XKR6: variants seen among roughly 807,000 people sequenced by gnomAD.
XKR6 encodes the protein XK related 6, also known as XK-related protein 6.
XKR6 carries 22 observed loss-of-function variants against 56.7 expected under a neutral mutation model. The observed-to-expected ratio is 0.39, with a 90% CI of 0.28 to 0.55. The LOEUF is 0.55. Among genes scored for constraint, XKR6 ranks in the 20% least tolerant of loss-of-function variants. The probability of loss-of-function intolerance (pLI) is 0.66; values close to 1 mark genes in which losing one functional copy is unlikely to be tolerated. For synonymous variants in XKR6, 524 were observed against 387.8 expected (o/e 1.35, Z -4.13); for missense variants, 852 against 889.0 (o/e 0.96, Z 0.53).
At chr8:11,182,183 G>T (rs956028985) in intron 1 of XKR6, among the ~76,000 whole-genome samples, 1 of 152,212 alleles carries the variant, frequency 6.6e-6, no homozygotes, top group Non-Finnish European at 1.5e-5. Context: ...AGGGACTTGG[G>T]CTCCAAAAGG....
intron 1 of XKR6, among the ~76,000 whole-genome samples, chr8:10,999,068 T>C (rs1456736585): frequency 6.6e-6 from 1 of 152,214 alleles, no homozygotes; most frequent in Non-Finnish European, 1.5e-5. Context: ...CAGAAATTCT[T>C]ACAAAAACGT....
At chr8:11,113,372 T>A (rs1275287286) in intron 1 of XKR6, among the ~76,000 whole-genome samples, 1 of 152,126 alleles carries the variant, frequency 6.6e-6, no homozygotes, top group African/African-American at 2.4e-5. Flanking sequence ...AATAATTAAA[T>A]AACACTCCCC....
At chr8:11,080,824 C>T (rs1292879247) in intron 1 of XKR6, among the ~76,000 whole-genome samples, 1 of 152,254 alleles carries the variant, frequency 6.6e-6, no homozygotes, top group Non-Finnish European at 1.5e-5. Flanking sequence ...CTTATGCAGG[C>T]CTCTCTGGGC....
chr8:11,062,601 T>C (rs1310011854), intron 1 of XKR6: 1 of 372,870 alleles, frequency 2.7e-6, no homozygotes, highest in African/African-American at 2.1e-5. Context: ...GGAGAGCTTC[T>C]AGTTAAAACA....
intron 1 of XKR6, among the ~76,000 whole-genome samples, chr8:10,985,677 C>T (rs1797846497): frequency 6.6e-6 from 1 of 151,532 alleles, no homozygotes; most frequent in Non-Finnish European, 1.5e-5. Context: ...TCTCATAAAA[C>T]TTTCCCACAG....
chr8:11,009,689 A>G (rs1432887024), intron 1 of XKR6, among the ~76,000 whole-genome samples: 1 of 152,228 alleles, frequency 6.6e-6, no homozygotes, highest in African/African-American at 2.4e-5. Flanking sequence ...ACCAGAATCT[A>G]GAGGAGTCTG....
intron 1 of XKR6, among the ~76,000 whole-genome samples, chr8:11,025,761 A>T (rs753314970): frequency 2.0e-5 from 3 of 152,136 alleles, no homozygotes; most frequent in Non-Finnish European, 4.4e-5. Context: ...CTGGATGAGT[A>T]ATTAGTGAAG....
At chr8:10,972,489 T>C (rs1261257319) in intron 1 of XKR6, among the ~76,000 whole-genome samples, 1 of 152,166 alleles carries the variant, frequency 6.6e-6, no homozygotes, top group African/African-American at 2.4e-5. Context: ...GACTGAAGAA[T>C]GGATGGCTGA....
At chr8:11,168,007 TG>T (rs1231707424) in intron 1 of XKR6, among the ~76,000 whole-genome samples, 2 of 150,254 alleles carry the variant, frequency 1.3e-5, no homozygotes, top group Non-Finnish European at 3.0e-5. Flanking sequence ...CAAAAATAGT[TG>T]GGAAAAGTCA....
chr8:11,122,721 G>A (rs1442512620), intron 1 of XKR6, among the ~76,000 whole-genome samples: 1 of 152,140 alleles, frequency 6.6e-6, no homozygotes, highest in Non-Finnish European at 1.5e-5. Context: ...GTTTACCATT[G>A]GTAATCACTG....
chr8:11,087,936 C>T (rs1343869186), intron 1 of XKR6, among the ~76,000 whole-genome samples: 1 of 152,154 alleles, frequency 6.6e-6, no homozygotes, highest in Non-Finnish European at 1.5e-5. Context: ...TCCAAAGAGC[C>T]TACCTGGATA....
chr8:10,965,953 G>A (rs1049591325), intron 1 of XKR6, among the ~76,000 whole-genome samples: 7 of 152,186 alleles, frequency 4.6e-5, no homozygotes, highest in Non-Finnish European at 1.0e-4. Context: ...GATTCCTCAA[G>A]GGCATCAAAT....
intron 1 of XKR6, among the ~76,000 whole-genome samples, chr8:11,191,020 T>C (rs890190573): frequency 6.6e-6 from 1 of 152,218 alleles, no homozygotes; most frequent in Non-Finnish European, 1.5e-5. Flanking sequence ...TCAAGTTTAC[T>C]GCAAGTATCA....
chr8:11,167,625 T>G (rs551332968), intron 1 of XKR6, among the ~76,000 whole-genome samples: 1 of 152,074 alleles, frequency 6.6e-6, no homozygotes, highest in Non-Finnish European at 1.5e-5. Flanking sequence ...TGGGTGAAAT[T>G]AGAAAGCCAC....
chr8:11,140,439 T>C (rs1332408470), intron 1 of XKR6, among the ~76,000 whole-genome samples: 2 of 152,160 alleles, frequency 1.3e-5, no homozygotes, highest in Non-Finnish European at 2.9e-5. Flanking sequence ...GAAATATCAC[T>C]GCACATTTCC....
At chr8:11,056,443 C>T (rs574687437) in intron 1 of XKR6, among the ~76,000 whole-genome samples, 1 of 152,188 alleles carries the variant, frequency 6.6e-6, no homozygotes, top group Non-Finnish European at 1.5e-5. Context: ...CCTGTGTTCA[C>T]CCGGAAAGTG....
chr8:10,939,908 G>A (rs1469774920), intron 1 of XKR6, among the ~76,000 whole-genome samples: 1 of 152,200 alleles, frequency 6.6e-6, no homozygotes, highest in Non-Finnish European at 1.5e-5. Flanking sequence ...GGGCTTCGGG[G>A]GTCCACAGCA....
At chr8:11,199,041 C>T (rs1021204240) in intron 1 of XKR6, among the ~76,000 whole-genome samples, 3 of 152,106 alleles carry the variant, frequency 2.0e-5, no homozygotes, top group African/African-American at 7.2e-5. Flanking sequence ...TTTATTTGAC[C>T]CCAAGCTATG....
chr8:11,103,676 G>A (rs976542152), intron 1 of XKR6, among the ~76,000 whole-genome samples: 7 of 152,166 alleles, frequency 4.6e-5, no homozygotes, highest in African/African-American at 1.4e-4. Flanking sequence ...GACTAAAAAT[G>A]GAGCTTGCTT....
Sources: allele counts gnomAD v4.1 joint callset (sites outside exome capture counted in the v4.1 genomes callset), GRCh38; gene constraint gnomAD v4.1.1; transcripts MANE v1.5; gene names NCBI Gene and HGNC (gene_info 2026-07-23, HGNC 2026-07-21).